The following BRD10 variants were observed in gnomAD, a reference collection of about 807,000 sequenced individuals.
BRD10 encodes bromodomain containing 10, also known as uncharacterized bromodomain-containing protein 10.
chr9:5,935,404 G>C, the BRD10 span, among the ~76,000 whole-genome samples: 1 of 152,120 alleles, frequency 6.6e-6, no homozygotes, highest in Non-Finnish European at 1.5e-5. Context: ...GAAAAACTGG[G>C]TGACAGGTCA....
chr9:5,895,281 A>G, the BRD10 span, among the ~76,000 whole-genome samples: 1 of 152,198 alleles, frequency 6.6e-6, no homozygotes, highest in Non-Finnish European at 1.5e-5. Flanking sequence ...GTAACTGCAC[A>G]TGGCCACCAA....
chr9:5,985,285 C>A, the BRD10 span, among the ~76,000 whole-genome samples: 4 of 151,932 alleles, frequency 2.6e-5, no homozygotes, highest in African/African-American at 9.7e-5. Context: ...CCAGAAAAAC[C>A]AAAACTTAAA....
the BRD10 span, among the ~76,000 whole-genome samples, chr9:5,895,259 T>C: frequency 6.6e-6 from 1 of 152,092 alleles, no homozygotes; most frequent in African/African-American, 2.4e-5. Flanking sequence ...AGGAGATCGG[T>C]CCAGAAAATA....
chr9:5,988,966 C>A, the BRD10 span, among the ~76,000 whole-genome samples: 6 of 152,126 alleles, frequency 3.9e-5, no homozygotes, highest in African/African-American at 1.4e-4. Flanking sequence ...TGCAGTGGCT[C>A]ATGCCTGCAA....
At chr9:5,930,369 T>TTTTATATATAATATATATATATA in the BRD10 span, among the ~76,000 whole-genome samples, 1 of 135,544 alleles carries the variant, frequency 7.4e-6, no homozygotes, top group African/African-American at 2.8e-5. Context: ...TATAAGGAGA[T>TTTTATATATAATATATATATATA]TATATATATA....
chr9:6,006,503 T>C, the BRD10 span, among the ~76,000 whole-genome samples: 4 of 152,214 alleles, frequency 2.6e-5, no homozygotes, highest in Admixed American at 1.3e-4. Flanking sequence ...TGTTAAATAA[T>C]TGGATATATG....
At chr9:5,949,799 A>AT in the BRD10 span, among the ~76,000 whole-genome samples, 101 of 152,352 alleles carry the variant, frequency 6.6e-4, 1 homozygote, top group Non-Finnish European at 1.3e-4. Flanking sequence ...GATAAGTCAT[A>AT]TAACATTAGA....
chr9:5,999,882 T>C, the BRD10 span, among the ~76,000 whole-genome samples: 1 of 151,926 alleles, frequency 6.6e-6, no homozygotes, highest in African/African-American at 2.4e-5. Context: ...GAACTTGTCT[T>C]ACCACATTAA....
chr9:5,980,163 T>C, the BRD10 span, among the ~76,000 whole-genome samples: 1 of 152,222 alleles, frequency 6.6e-6, no homozygotes, highest in Non-Finnish European at 1.5e-5. Context: ...GTGGTTGTGA[T>C]TAGCTTAAAG....
At chr9:5,892,658 C>T in the BRD10 span, 1 of 843,218 alleles carries the variant, frequency 1.2e-6, no homozygotes, top group African/African-American at 1.7e-5. Context: ...TAGTGTTTAT[C>T]TCCCCAGACA....
chr9:6,007,981 A>G, the BRD10 span: 2 of 1,267,424 alleles, frequency 1.6e-6, no homozygotes, highest in Non-Finnish European at 2.0e-6. Flanking sequence ...GCGGGGTTAC[A>G]TGGCGCGCGA....
the BRD10 span, among the ~76,000 whole-genome samples, chr9:5,989,608 A>T: frequency 6.7e-6 from 1 of 148,924 alleles, no homozygotes; most frequent in Admixed American, 6.7e-5. Flanking sequence ...ATGATCCTGC[A>T]GCTTCAACCT....
the BRD10 span, among the ~76,000 whole-genome samples, chr9:5,948,396 A>G: frequency 6.6e-6 from 1 of 152,158 alleles, no homozygotes; most frequent in East Asian, 1.9e-4. Flanking sequence ...TTCAGTTTAT[A>G]TCTAAGCTTT....
chr9:5,942,892 T>G, the BRD10 span, among the ~76,000 whole-genome samples: 1 of 152,192 alleles, frequency 6.6e-6, no homozygotes, highest in African/African-American at 2.4e-5. Context: ...TCTTCTGTTT[T>G]TTTGAGTCAG....
At chr9:5,975,739 G>A in the BRD10 span, among the ~76,000 whole-genome samples, 1 of 152,194 alleles carries the variant, frequency 6.6e-6, no homozygotes, top group South Asian at 2.1e-4. Flanking sequence ...TAGAAGAGAA[G>A]AGATGATTAC....
chr9:5,907,929 G>A, the BRD10 span, among the ~76,000 whole-genome samples: 1 of 152,110 alleles, frequency 6.6e-6, no homozygotes, highest in Non-Finnish European at 1.5e-5. Context: ...CTCCAGCCTG[G>A]GAGACAAGAG....
chr9:5,987,379 G>A, the BRD10 span, among the ~76,000 whole-genome samples: 245 of 152,060 alleles, frequency 1.6e-3, 1 homozygote, highest in Non-Finnish European at 2.4e-3. Context: ...AGCCTTCTTC[G>A]TACAAGCCTT....
the BRD10 span, among the ~76,000 whole-genome samples, chr9:5,902,709 G>A: frequency 8.0e-5 from 12 of 150,176 alleles, no homozygotes; most frequent in African/African-American, 2.7e-4. Context: ...GTCTCACTAT[G>A]TTGCTCTGGT....
chr9:5,940,041 G>A, the BRD10 span, among the ~76,000 whole-genome samples: 1 of 152,170 alleles, frequency 6.6e-6, no homozygotes, highest in Non-Finnish European at 1.5e-5. Context: ...GGTTAGGTAA[G>A]AGAAGTATTA....
Sources: gnomAD v4.1 joint callset for allele counts (sites outside exome capture counted in the v4.1 genomes callset) on GRCh38, gnomAD v4.1.1 for gene constraint, MANE v1.5 for transcripts, NCBI Gene and HGNC (gene_info 2026-07-23, HGNC 2026-07-21) for gene names.